KCNMB2: variants seen among roughly 807,000 people sequenced by gnomAD.
The protein encoded by KCNMB2 is potassium calcium-activated channel subfamily M regulatory beta subunit 2.
KCNMB2 carries 9 observed loss-of-function variants against 24.5 expected under a neutral mutation model. The observed-to-expected ratio is 0.37, with a 90% CI of 0.22 to 0.64. The LOEUF (loss-of-function observed/expected upper bound fraction) is 0.64, where lower values mean the gene tolerates loss of function less well. Ranked by LOEUF, KCNMB2 falls within the 30% of genes least tolerant of loss-of-function variation. The pLI, the probability that KCNMB2 is intolerant of heterozygous loss-of-function variation, is 0.63. For missense variants in KCNMB2, 226 were observed against 284.3 expected (o/e 0.79, Z 1.47); for synonymous variants, 109 against 104.4 (o/e 1.04, Z -0.27).
intron 1 of KCNMB2, among the ~76,000 whole-genome samples, chr3:178,756,390 A>G (rs1724041786): frequency 6.6e-6 from 1 of 152,136 alleles, no homozygotes; most frequent in South Asian, 2.1e-4. Flanking sequence ...GGTTTCTGTG[A>G]GCCTCTGGTC....
chr3:178,659,110 T>C (rs1720440749), intron 1 of KCNMB2, among the ~76,000 whole-genome samples: 1 of 152,254 alleles, frequency 6.6e-6, no homozygotes, highest in Non-Finnish European at 1.5e-5. Context: ...AAGGATATTT[T>C]CAACATTTCA....
chr3:178,574,685 T>G lies in KCNMB2; in HGVS notation c.-68+37974T>G, dbSNP rs550581246. Among the ~76,000 whole-genome samples the G allele has an allele frequency of 5.3e-5, 8 of 152,264 alleles. No homozygotes were observed. The South Asian group carries it at 1.7e-3, about 32-fold the overall frequency. ...TAATCAGGGTGGAAGTGTTGTGTGG[T>G]TCAAGGCCTGACCATCTAGATTTTA... On this transcript the variant is annotated intron_variant, in intron 1 of 4. Coordinates refer to ENST00000452583, the MANE Select transcript of KCNMB2 (RefSeq NM_181361.3).
At chr3:178,644,108 A>G (rs1719823016) in intron 1 of KCNMB2, among the ~76,000 whole-genome samples, 1 of 152,216 alleles carries the variant, frequency 6.6e-6, no homozygotes, top group African/African-American at 2.4e-5. Context: ...TCTGAAAGAA[A>G]TGATAATACC....
At chr3:178,795,474 A>G (rs989958499) in intron 1 of KCNMB2, among the ~76,000 whole-genome samples, 1 of 152,202 alleles carries the variant, frequency 6.6e-6, no homozygotes. Flanking sequence ...GGGTAACCAC[A>G]TGAGTCCTTG....
chr3:178,827,421 T>G (rs1714876826), intron 3 of KCNMB2, among the ~76,000 whole-genome samples: 1 of 152,128 alleles, frequency 6.6e-6, no homozygotes. Flanking sequence ...TGGATCACAA[T>G]TTCCAACACT....
chr3:178,669,956 C>T (rs1335988868), intron 1 of KCNMB2, among the ~76,000 whole-genome samples: 1 of 151,958 alleles, frequency 6.6e-6, no homozygotes. Flanking sequence ...AGAAAAGTTT[C>T]ACTTTTAGGT....
At chr3:178,598,457 G>T (rs1717957499) in intron 1 of KCNMB2, among the ~76,000 whole-genome samples, 1 of 151,726 alleles carries the variant, frequency 6.6e-6, no homozygotes, top group Non-Finnish European at 1.5e-5. Context: ...TACTCATTCT[G>T]GTAAGGAAAC....
chr3:178,544,102 A>G (rs1435160448), intron 1 of KCNMB2, among the ~76,000 whole-genome samples: 1 of 152,170 alleles, frequency 6.6e-6, no homozygotes, highest in Non-Finnish European at 1.5e-5. Context: ...GAAAGAACAA[A>G]TCAATCATAT....
intron 1 of KCNMB2, among the ~76,000 whole-genome samples, chr3:178,679,460 A>T (rs1721192667): frequency 6.6e-6 from 1 of 152,142 alleles, no homozygotes; most frequent in African/African-American, 2.4e-5. Flanking sequence ...ACAAAGCCTG[A>T]TTTTTAGTAG....
At chr3:178,778,455 G>GAT in intron 1 of KCNMB2, among the ~76,000 whole-genome samples, 1 of 127,548 alleles carries the variant, frequency 7.8e-6, no homozygotes, top group Non-Finnish European at 1.7e-5. Context: ...TACCCTTTAA[G>GAT]ACACACACAC....
chr3:178,775,350 G>A (rs190603042), intron 1 of KCNMB2, among the ~76,000 whole-genome samples: 40 of 152,104 alleles, frequency 2.6e-4, no homozygotes, highest in Admixed American at 1.9e-3. Context: ...CAAATGTTAT[G>A]TAAATAAATG....
intron 1 of KCNMB2, among the ~76,000 whole-genome samples, chr3:178,800,157 CAG>C (rs1713719051): frequency 2.0e-5 from 3 of 151,976 alleles, no homozygotes; most frequent in Admixed American, 6.6e-5. Context: ...CACAGGAAAA[CAG>C]AGCAAAAATC....
chr3:178,654,164 C>T (rs1472334014), intron 1 of KCNMB2, among the ~76,000 whole-genome samples: 1 of 152,194 alleles, frequency 6.6e-6, no homozygotes, highest in African/African-American at 2.4e-5. Context: ...ATATTATAAA[C>T]TTATTTTATA....
chr3:178,698,923 T>C (rs1055534315), intron 1 of KCNMB2, among the ~76,000 whole-genome samples: 1 of 152,240 alleles, frequency 6.6e-6, no homozygotes, highest in East Asian at 1.9e-4. Context: ...GCTCCAACTC[T>C]GGGGGACTCA....
intron 1 of KCNMB2, among the ~76,000 whole-genome samples, chr3:178,793,522 T>A: frequency 6.7e-6 from 1 of 148,430 alleles, no homozygotes; most frequent in Admixed American, 6.8e-5. Context: ...CCTGGGGGGG[T>A]GGGCAATGGA....
intron 1 of KCNMB2, among the ~76,000 whole-genome samples, chr3:178,778,804 C>T (rs1178236773): frequency 6.6e-6 from 1 of 152,194 alleles, no homozygotes; most frequent in Non-Finnish European, 1.5e-5. Context: ...TTACCACCAC[C>T]TGCACAAGAG....
chr3:178,604,676 T>C (rs1485770082), intron 1 of KCNMB2, among the ~76,000 whole-genome samples: 5 of 152,344 alleles, frequency 3.3e-5, no homozygotes, highest in Admixed American at 2.6e-4. Context: ...TTTTCACCAA[T>C]ACCTGCTAGC....
At chr3:178,648,168 C>A (rs1335896297) in intron 1 of KCNMB2, among the ~76,000 whole-genome samples, 1 of 152,128 alleles carries the variant, frequency 6.6e-6, no homozygotes, top group African/African-American at 2.4e-5. Flanking sequence ...TCTACTTTCA[C>A]ACATTCATTC....
intron 1 of KCNMB2, among the ~76,000 whole-genome samples, chr3:178,631,059 A>G (rs1719302873): frequency 6.6e-6 from 1 of 152,212 alleles, no homozygotes; most frequent in African/African-American, 2.4e-5. Context: ...AGCATTTTTA[A>G]TACGGAGAAA....
Sources: allele counts gnomAD v4.1 joint callset (sites outside exome capture counted in the v4.1 genomes callset), GRCh38; gene constraint gnomAD v4.1.1; transcripts MANE v1.5; gene names NCBI Gene and HGNC (gene_info 2026-07-23, HGNC 2026-07-21).